The following CRADD variants were observed in gnomAD, a reference collection of about 807,000 sequenced individuals.
The protein encoded by CRADD is CARD and death domain containing adaptor protein, also known as death domain-containing protein CRADD.
CRADD carries 9 observed loss-of-function variants against 15.5 expected under a neutral mutation model. That is an observed-to-expected ratio of 0.58 (90% confidence interval 0.35 to 1.01). The LOEUF (loss-of-function observed/expected upper bound fraction) is 1.01, where lower values mean the gene tolerates loss of function less well. Among genes scored for constraint, CRADD ranks in the 50% least tolerant of loss-of-function variants. CRADD has a pLI of 0.02. For missense variants in CRADD, 227 were observed against 250.3 expected (o/e 0.91, Z 0.63); for synonymous variants, 118 against 107.6 (o/e 1.10, Z -0.60).
chr12:93,746,825 C>T (rs1956760331), intron 2 of CRADD, among the ~76,000 whole-genome samples: 1 of 149,750 alleles, frequency 6.7e-6, no homozygotes, highest in African/African-American at 2.5e-5. Flanking sequence ...TAATATTGTG[C>T]ATGTACCAGT....
intron 2 of CRADD, among the ~76,000 whole-genome samples, chr12:93,760,838 A>G (rs1956946401): frequency 6.6e-6 from 1 of 152,070 alleles, no homozygotes; most frequent in Admixed American, 6.6e-5. Flanking sequence ...TGCTGACACT[A>G]TGCACAGTGG....
chr12:93,806,476 A>AAAAAG (rs1565920983), intron 2 of CRADD, among the ~76,000 whole-genome samples: 1 of 150,176 alleles, frequency 6.7e-6, no homozygotes, highest in African/African-American at 2.4e-5. Context: ...AAAAAAACAA[A>AAAAAG]AAAAAGAAAA....
chr12:93,791,895 ATTTT>A (rs34088777), intron 2 of CRADD, among the ~76,000 whole-genome samples: 19 of 137,168 alleles, frequency 1.4e-4, no homozygotes, highest in East Asian at 2.1e-4. Context: ...GTCCTAATGG[ATTTT>A]TTTTTTTTTT....
At chr12:93,795,549 G>A (rs920762878) in intron 2 of CRADD, among the ~76,000 whole-genome samples, 1 of 152,178 alleles carries the variant, frequency 6.6e-6, no homozygotes, top group African/African-American at 2.4e-5. Flanking sequence ...CCACTCATTG[G>A]CAGAGCCAAG....
Position 93,742,410 on chromosome 12 carries a change from G to A in CRADD, c.298+63338G>A, listed in dbSNP as rs1304031319. Among the ~76,000 whole-genome samples, 3 of 149,886 alleles carry A rather than the reference G, an allele frequency of 2.0e-5. No individual in the cohort carries two copies. In the East Asian group the frequency reaches 5.8e-4, roughly 29 times the overall value. ...ACCCGCGGGCCGCGCAGCGGGGCAG[G>A]GAGGCGCGCGGCCCCAGCCGCCCTA... On this transcript the variant is annotated intron_variant, in intron 2 of 2. Coordinates refer to ENST00000332896, the MANE Select transcript of CRADD (RefSeq NM_003805.5).
chr12:93,720,969 G>A (rs1314436406), intron 2 of CRADD, among the ~76,000 whole-genome samples: 1 of 151,922 alleles, frequency 6.6e-6, no homozygotes, highest in Non-Finnish European at 1.5e-5. Context: ...TGTTTTATTT[G>A]TTGCCCTTGT....
intron 2 of CRADD, among the ~76,000 whole-genome samples, chr12:93,786,237 C>T (rs145633309): frequency 6.6e-6 from 1 of 152,304 alleles, no homozygotes; most frequent in East Asian, 1.9e-4. Context: ...GAATAAACTC[C>T]ACAGTTGAGA....
chr12:93,693,084 A>G (rs2136819011), intron 2 of CRADD, among the ~76,000 whole-genome samples: 1 of 152,260 alleles, frequency 6.6e-6, no homozygotes, highest in South Asian at 2.1e-4. Flanking sequence ...ACAAAAACCT[A>G]TGGTATATAC....
chr12:93,766,416 T>G (rs1054498356), intron 2 of CRADD, among the ~76,000 whole-genome samples: 3 of 152,246 alleles, frequency 2.0e-5, no homozygotes, highest in African/African-American at 7.2e-5. Flanking sequence ...TTAAAGATAC[T>G]GCTTTTTCTG....
At chr12:93,863,553 C>T (rs751103326) in intron 2 of CRADD, among the ~76,000 whole-genome samples, 6 of 151,350 alleles carry the variant, frequency 4.0e-5, no homozygotes, top group Non-Finnish European at 8.8e-5. Flanking sequence ...ACTAAATCCC[C>T]CCAGGCCTCT....
chr12:93,740,489 G>C (rs1036160444), intron 2 of CRADD, among the ~76,000 whole-genome samples: 31 of 151,962 alleles, frequency 2.0e-4, no homozygotes, highest in African/African-American at 7.2e-4. Flanking sequence ...TTTACCTAAG[G>C]TTTTGGTTTT....
At chr12:93,681,315 C>T (rs1245758307) in intron 2 of CRADD, among the ~76,000 whole-genome samples, 3 of 152,004 alleles carry the variant, frequency 2.0e-5, no homozygotes, top group Non-Finnish European at 4.4e-5. Flanking sequence ...TGAAGCAGTA[C>T]ATAATGGGAA....
chr12:93,768,592 T>A (rs1412729771), intron 2 of CRADD, among the ~76,000 whole-genome samples: 2 of 151,920 alleles, frequency 1.3e-5, no homozygotes, highest in African/African-American at 2.4e-5. Context: ...ACTCTATATA[T>A]CTCAAAAAAG....
At chr12:93,867,405 T>TATATATATATATA (rs1207739624) in intron 2 of CRADD, among the ~76,000 whole-genome samples, 1,218 of 101,992 alleles carry the variant, frequency 0.012, 104 homozygotes, top group East Asian at 0.02. Context: ...ATATATATAT[T>TATATATATATATA]TTTTAAACTT....
At chr12:93,855,246 GACAC>G (rs145462608), downstream of CRADD, among the ~76,000 whole-genome samples, 2 of 151,508 alleles carry the variant, frequency 1.3e-5, no homozygotes, top group African/African-American at 2.4e-5. Flanking sequence ...TGGACACACA[GACAC>G]ACACACACAC....
intron 2 of CRADD, among the ~76,000 whole-genome samples, chr12:93,840,568 T>G (rs1274099912): frequency 1.3e-5 from 2 of 152,040 alleles, no homozygotes; most frequent in Non-Finnish European, 1.5e-5. Context: ...TTCTTTTTTT[T>G]TTTTCTTCTT....
chr12:93,730,629 G>A (rs967901660), intron 2 of CRADD, among the ~76,000 whole-genome samples: 1 of 151,820 alleles, frequency 6.6e-6, no homozygotes, highest in Non-Finnish European at 1.5e-5. Flanking sequence ...AAAGAAACTT[G>A]TCCATCAGTG....
intron 2 of CRADD, among the ~76,000 whole-genome samples, chr12:93,751,028 G>A (rs1048265618): frequency 1.3e-5 from 2 of 152,182 alleles, no homozygotes; most frequent in Non-Finnish European, 2.9e-5. Flanking sequence ...CTGGTAACTT[G>A]CCTGTGTCTA....
intron 2 of CRADD, among the ~76,000 whole-genome samples, chr12:93,785,753 A>G (rs1957271668): frequency 6.6e-6 from 1 of 152,176 alleles, no homozygotes; most frequent in Non-Finnish European, 1.5e-5. Flanking sequence ...AATCATATAT[A>G]TGTTTGGTTG....
Sources: gnomAD v4.1 joint callset for allele counts (sites outside exome capture counted in the v4.1 genomes callset) on GRCh38, gnomAD v4.1.1 for gene constraint, MANE v1.5 for transcripts, NCBI Gene and HGNC (gene_info 2026-07-23, HGNC 2026-07-21) for gene names.